Variants in DLGAP2 observed in about 807,000 individuals in gnomAD.
DLGAP2 encodes the protein disks large-associated protein 2.
In DLGAP2, 26 loss-of-function variants were observed where a neutral mutation model predicts 100.3. That is an observed-to-expected ratio of 0.26 (90% confidence interval 0.19 to 0.36). The LOEUF (loss-of-function observed/expected upper bound fraction) is 0.36. DLGAP2 is among the 10% of genes least tolerant of loss of function. The pLI, the probability that DLGAP2 is intolerant of heterozygous loss-of-function variation, is 1.00. For synonymous variants in DLGAP2, 886 were observed against 630.1 expected, an observed-to-expected ratio of 1.41 and a Z score of -6.08; for missense variants, 1,858 against 1,453.2, an observed-to-expected ratio of 1.28 and a Z score of -4.53.
intron 6 of DLGAP2, among the ~76,000 whole-genome samples, chr8:1,578,473 G>A (rs959156280): frequency 1.8e-4 from 27 of 152,110 alleles, no homozygotes; most frequent in Non-Finnish European, 2.8e-4. Flanking sequence ...TGCCTGGTAC[G>A]GGACTGGAAG....
Position 1,180,366 on chromosome 8 carries a change from T to C in DLGAP2, c.74-78485T>C, listed in dbSNP as rs368474855. ...CACCAGAAGCACGCTTCTGATTTCT[T>C]TGATTCATTTATTATCATTTTTGAG... is the stretch of plus-strand genomic sequence containing the variant. On this transcript the variant is annotated intron_variant, in intron 2 of 14. Coordinates refer to ENST00000637795, the MANE Select transcript of DLGAP2 (RefSeq NM_001346810.2). 1.4e-3 allele frequency among the ~76,000 whole-genome samples: 208 copies of C among 152,336 alleles called. 9 individuals carry two copies. The South Asian group carries it at 0.038, about 28-fold the overall frequency.
At chr8:1,237,055 A>T (rs139557414) in intron 2 of DLGAP2, among the ~76,000 whole-genome samples, 1 of 107,692 alleles carries the variant, frequency 9.3e-6, no homozygotes, top group Admixed American at 1.0e-4. Context: ...CTCACATGGC[A>T]CCATGTCTAG....
intron 1 of DLGAP2, among the ~76,000 whole-genome samples, chr8:796,251 G>A (rs952748367): frequency 2.0e-5 from 3 of 152,146 alleles, no homozygotes; most frequent in African/African-American, 2.4e-5. Context: ...CGGGCTCCCC[G>A]GTGATGAGCT....
chr8:1,654,661 CAAA>C (rs763257486), intron 8 of DLGAP2, among the ~76,000 whole-genome samples: 10 of 92,660 alleles, frequency 1.1e-4, no homozygotes, highest in African/African-American at 1.4e-4. Context: ...AACTCCGTCT[CAAA>C]AAAAAAAAAA....
At chr8:1,619,945 T>C (rs566384083) in intron 6 of DLGAP2, 1 of 152,330 alleles carries the variant, frequency 6.6e-6, no homozygotes, top group South Asian at 2.1e-4. Context: ...GCATAGCGTT[T>C]CCTGTAGACA....
At chr8:1,518,214 A>G (rs1800462578) in intron 4 of DLGAP2, among the ~76,000 whole-genome samples, 1 of 152,162 alleles carries the variant, frequency 6.6e-6, no homozygotes, top group Admixed American at 6.5e-5. Context: ...CGAGTTTGCT[A>G]GCGTTCAGCC....
At chr8:980,413 C>G (rs946716047) in intron 2 of DLGAP2, among the ~76,000 whole-genome samples, 1 of 152,198 alleles carries the variant, frequency 6.6e-6, no homozygotes, top group Non-Finnish European at 1.5e-5. Context: ...ACAAAGTCAA[C>G]TATTGCAGTT....
chr8:782,333 T>G (rs1309225532), intron 1 of DLGAP2, among the ~76,000 whole-genome samples: 1 of 152,042 alleles, frequency 6.6e-6, no homozygotes, highest in African/African-American at 2.4e-5. Flanking sequence ...TTTAGCTTGA[T>G]TTTTTTAAAA....
intron 2 of DLGAP2, among the ~76,000 whole-genome samples, chr8:1,251,005 G>A (rs4428694): frequency 0.77 from 117,207 of 152,102 alleles, 45,731 homozygotes; most frequent in Middle Eastern, 0.89. Context: ...TTAGGGGTTG[G>A]CTTTCTGCTA....
At chr8:779,202 C>T (rs181598499) in intron 1 of DLGAP2, among the ~76,000 whole-genome samples, 68 of 152,336 alleles carry the variant, frequency 4.5e-4, no homozygotes, top group East Asian at 3.9e-3. Flanking sequence ...CTTCGGCTCG[C>T]GCATGGTGCG....
At chr8:1,327,541 G>GCCT in intron 3 of DLGAP2, among the ~76,000 whole-genome samples, 1 of 152,152 alleles carries the variant, frequency 6.6e-6, no homozygotes, top group African/African-American at 2.4e-5. Context: ...TAAATCTCTT[G>GCCT]CAAGTGTAAA....
chr8:771,871 G>A (rs534000573), intron 1 of DLGAP2, among the ~76,000 whole-genome samples: 1 of 152,290 alleles, frequency 6.6e-6, no homozygotes, highest in Non-Finnish European at 1.5e-5. Flanking sequence ...TGTGTCTGGT[G>A]GGGACAGAAT....
intron 1 of DLGAP2, among the ~76,000 whole-genome samples, chr8:907,097 T>A (rs554358916): frequency 1.3e-5 from 2 of 152,214 alleles, no homozygotes; most frequent in Non-Finnish European, 2.9e-5. Flanking sequence ...TGGTGTTTCT[T>A]TGCAACAGCC....
chr8:746,525 G>T (rs1353083966), intron 1 of DLGAP2, among the ~76,000 whole-genome samples: 2 of 152,240 alleles, frequency 1.3e-5, no homozygotes, highest in Non-Finnish European at 2.9e-5. Flanking sequence ...GAGAAGATCT[G>T]TGGGATAGAG....
intron 2 of DLGAP2, among the ~76,000 whole-genome samples, chr8:1,117,010 C>A (rs984432722): frequency 6.6e-6 from 1 of 152,162 alleles, no homozygotes; most frequent in African/African-American, 2.4e-5. Context: ...AAAATAAACC[C>A]GATGTGCAGT....
At chr8:844,017 T>C (rs1056639850) in intron 1 of DLGAP2, among the ~76,000 whole-genome samples, 1 of 152,252 alleles carries the variant, frequency 6.6e-6, no homozygotes, top group African/African-American at 2.4e-5. Flanking sequence ...TAAATGACTT[T>C]TGACATTTAA....
intron 2 of DLGAP2, among the ~76,000 whole-genome samples, chr8:1,243,166 T>A (rs552328734): frequency 1.3e-5 from 2 of 152,320 alleles, no homozygotes; most frequent in South Asian, 2.1e-4. Flanking sequence ...GGCGTGCTCA[T>A]GGAGCTCACA....
At chr8:1,299,845 CT>C (rs887365705) in intron 3 of DLGAP2, 28 of 152,174 alleles carry the variant, frequency 1.8e-4, no homozygotes, top group African/African-American at 6.5e-4. Flanking sequence ...ACCCAAATGA[CT>C]TTGTCTTAAT....
chr8:1,389,436 A>T (rs1040468569), intron 3 of DLGAP2, among the ~76,000 whole-genome samples: 3 of 152,110 alleles, frequency 2.0e-5, no homozygotes, highest in Non-Finnish European at 4.4e-5. Context: ...GGGAGTTGAC[A>T]AGGGGCCCTG....
Sources: allele counts gnomAD v4.1 joint callset (sites outside exome capture counted in the v4.1 genomes callset), GRCh38; gene constraint gnomAD v4.1.1; transcripts MANE v1.5; gene names NCBI Gene and HGNC (gene_info 2026-07-23, HGNC 2026-07-21).